FRK: variants seen among roughly 807,000 people sequenced by gnomAD.
The protein encoded by FRK is fyn related Src family tyrosine kinase.
FRK carries 51 observed loss-of-function variants against 56.4 expected under a neutral mutation model. That is an observed-to-expected ratio of 0.90 (90% CI 0.72 to 1.14). FRK has a LOEUF of 1.14. Ranked by LOEUF, FRK falls within the 50% of genes most tolerant of loss-of-function variation. The pLI, the probability that FRK is intolerant of heterozygous loss-of-function variation, is 0.00. For synonymous variants in FRK, 245 were observed against 217.9 expected, an observed-to-expected ratio of 1.12 and a Z score of -1.10; for missense variants, 570 against 601.4, an observed-to-expected ratio of 0.95 and a Z score of 0.55.
intron 5 of FRK, among the ~76,000 whole-genome samples, chr6:115,950,874 A>G (rs1483625659): frequency 6.6e-6 from 1 of 152,238 alleles, no homozygotes; most frequent in Admixed American, 6.5e-5. Flanking sequence ...TTGCAGGAAC[A>G]TGGATGAAGC....
At chr6:115,998,782 G>A (rs1277441620) in intron 2 of FRK, among the ~76,000 whole-genome samples, 1 of 152,152 alleles carries the variant, frequency 6.6e-6, no homozygotes, top group Non-Finnish European at 1.5e-5. Context: ...ATAAACAAAG[G>A]TATAAGTATA....
chr6:116,073,244 A>G, the FRK span, among the ~76,000 whole-genome samples: 3 of 152,154 alleles, frequency 2.0e-5, no homozygotes, highest in African/African-American at 7.2e-5. Flanking sequence ...GGACTTCAAA[A>G]TGTGTCTTAT....
chr6:116,052,890 G>T (rs1047460230), intron 1 of FRK, among the ~76,000 whole-genome samples: 1 of 152,116 alleles, frequency 6.6e-6, no homozygotes, highest in Non-Finnish European at 1.5e-5. Flanking sequence ...TAAAAGAGGA[G>T]CTGCCAACTA....
intron 1 of FRK, among the ~76,000 whole-genome samples, chr6:116,006,114 A>AGTAT (rs1314224530): frequency 6.6e-6 from 1 of 152,192 alleles, no homozygotes; most frequent in African/African-American, 2.4e-5. Flanking sequence ...ATATTTGCAA[A>AGTAT]GTATATAACC....
chr6:115,952,158 C>A (rs370623583), intron 5 of FRK, among the ~76,000 whole-genome samples: 6 of 152,164 alleles, frequency 3.9e-5, no homozygotes, highest in African/African-American at 1.4e-4. Flanking sequence ...ATGGTAGTTT[C>A]TTTTGCTATG....
chr6:116,095,244 TG>T, the FRK span, among the ~76,000 whole-genome samples: 1 of 152,206 alleles, frequency 6.6e-6, no homozygotes, highest in Non-Finnish European at 1.5e-5. Context: ...AACGACACCA[TG>T]GGTATTCAGT....
In FRK at chr6:115,931,658, G is replaced by C. The variant is rs1228867840; in HGVS notation, c.*10756C>G. 1 of 152,056 alleles carries C rather than the reference G, an allele frequency of 6.6e-6. No individual in the cohort carries two copies. The highest frequency in any genetic ancestry group is 1.9e-4 in the East Asian group (1 of 5,186). 9.4% of individuals were successfully genotyped at this position (152,056 alleles called of 1,614,324 possible). A position where few individuals can be genotyped will look rare whatever the true frequency, so the allele number is the denominator to read the frequency against. On this transcript the variant is annotated 3_prime_UTR_variant, in exon 8 of 8. Coordinates refer to ENST00000606080, the MANE Select transcript of FRK (RefSeq NM_002031.3). Reference sequence around the variant, plus strand: ...ATTTTGAAAATTGATTAAAAGCTATGATATATTTCTACTCTGAAATTTTGT... The same window carrying C: ...ATTTTGAAAATTGATTAAAAGCTATCATATATTTCTACTCTGAAATTTTGT...
chr6:115,999,810 T>C (rs1436482155), intron 2 of FRK, among the ~76,000 whole-genome samples: 5 of 152,324 alleles, frequency 3.3e-5, no homozygotes, highest in African/African-American at 1.2e-4. Flanking sequence ...TCCTTTTTCT[T>C]TCCTTTCCAT....
intron 1 of FRK, chr6:116,038,664 G>T: frequency 3.0e-6 from 1 of 337,044 alleles, no homozygotes; most frequent in Non-Finnish European, 5.9e-6. Context: ...TTTTTAACAT[G>T]ATACCTTTTA....
At chr6:116,039,390 G>C in intron 1 of FRK, 1 of 1,558,930 alleles carries the variant, frequency 6.4e-7, no homozygotes, top group Non-Finnish European at 8.8e-7. Context: ...CTGTGATGGG[G>C]GCAACCTGCA....
At chr6:116,020,728 G>A (rs908254820) in intron 1 of FRK, among the ~76,000 whole-genome samples, 18 of 151,846 alleles carry the variant, frequency 1.2e-4, no homozygotes, top group South Asian at 4.1e-4. Context: ...ACAGTAAATC[G>A]CAATGACAAG....
intron 2 of FRK, among the ~76,000 whole-genome samples, chr6:115,990,569 G>A (rs188389714): frequency 6.6e-6 from 1 of 151,834 alleles, no homozygotes; most frequent in Admixed American, 6.6e-5. Flanking sequence ...TTTTGTTGAA[G>A]ATCAGTTGGT....
chr6:116,008,454 A>T (rs1397164772), intron 1 of FRK, among the ~76,000 whole-genome samples: 2 of 152,216 alleles, frequency 1.3e-5, no homozygotes, highest in Non-Finnish European at 2.9e-5. Context: ...GGAAGTGAAG[A>T]ATATAAGTTT....
chr6:115,976,064 A>C (rs1348937255), intron 2 of FRK, among the ~76,000 whole-genome samples: 2 of 152,014 alleles, frequency 1.3e-5, no homozygotes, highest in Non-Finnish European at 2.9e-5. Context: ...GGGTCTGATG[A>C]TTTCCGTCCT....
At chr6:116,076,043 C>A in the FRK span, among the ~76,000 whole-genome samples, 1 of 152,110 alleles carries the variant, frequency 6.6e-6, no homozygotes, top group African/African-American at 2.4e-5. Context: ...TCATCCTCAT[C>A]TTCATTATTG....
intron 2 of FRK, among the ~76,000 whole-genome samples, chr6:115,980,017 T>C (rs1019869290): frequency 6.6e-6 from 1 of 152,182 alleles, no homozygotes; most frequent in Non-Finnish European, 1.5e-5. Flanking sequence ...ATTTCTCACA[T>C]TATGTCCTCA....
chr6:116,093,073 C>G, the FRK span, among the ~76,000 whole-genome samples: 1 of 152,152 alleles, frequency 6.6e-6, no homozygotes, highest in East Asian at 1.9e-4. Context: ...TATGTCCAAG[C>G]TTTCTTTTCA....
At chr6:116,056,065 C>T (rs1015672097) in intron 1 of FRK, among the ~76,000 whole-genome samples, 1 of 152,176 alleles carries the variant, frequency 6.6e-6, no homozygotes, top group East Asian at 1.9e-4. Context: ...ATGTCCACCC[C>T]ATTCCCCTCC....
rs758415295 is a variant in FRK at position 115,942,612 on chromosome 6, G to C, written c.1320C>G (p.Ala440=). ...GKMPYSGMTG[A]QVIQMLAQNY... ...TTTGAGCCAACATCTGGATTACCTG[G>C]GCACCTGTCATACCTTGAAAATACA... The change falls in exon 8 of 8, where the codon GCC becomes GCG. Residue 440 remains alanine (A), a synonymous_variant. Coordinates refer to ENST00000606080, the MANE Select transcript of FRK (RefSeq NM_002031.3). 4 of 1,613,004 alleles carry C rather than the reference G, an allele frequency of 2.5e-6. No homozygotes were observed. The African/African-American group carries it at 5.4e-5, about 22-fold the overall frequency.
Sources: allele counts gnomAD v4.1 joint callset (sites outside exome capture counted in the v4.1 genomes callset), GRCh38; gene constraint gnomAD v4.1.1; transcripts MANE v1.5; gene names NCBI Gene and HGNC (gene_info 2026-07-23, HGNC 2026-07-21).